Variants in SDK2 observed in about 807,000 individuals in gnomAD.
The protein encoded by SDK2 is protein sidekick-2.
Under a neutral mutation model 253.9 loss-of-function variants are expected in SDK2, and 105 were observed. That is an observed-to-expected ratio of 0.41 (90% CI 0.35 to 0.49). The LOEUF is 0.49. SDK2 is among the 20% of genes least tolerant of loss of function. The pLI is 0.06. For missense variants in SDK2, 2,608 were observed against 3,003.0 expected, an observed-to-expected ratio of 0.87 and a Z score of 3.07; for synonymous variants, 1,249 against 1,234.9, an observed-to-expected ratio of 1.01 and a Z score of -0.24.
At chr17:73,374,696 G>A (rs1289431713) in intron 36 of SDK2, among the ~76,000 whole-genome samples, 1 of 151,232 alleles carries the variant, frequency 6.6e-6, no homozygotes, top group Non-Finnish European at 1.5e-5. Context: ...TCGAACTCCT[G>A]ACCTCAAGTG....
Position 73,643,005 on chromosome 17 carries a change from T to C in SDK2, c.64+1020A>G. The C allele has an allele frequency of 6.6e-6, 1 of 152,144 alleles. No individual in the cohort carries two copies. The highest frequency in any genetic ancestry group is 1.5e-5 in the Non-Finnish European group (1 of 68,114). 9.4% of individuals were successfully genotyped at this position (152,144 alleles called of 1,614,324 possible). ...GGCCTAGCCCTGCGAGTCCTGGAGC[T>C]CGGTCCAGGCTTCGTCTCCCTCCGC... On this transcript the variant is annotated intron_variant, in intron 1 of 44. Coordinates refer to ENST00000392650, the MANE Select transcript of SDK2 (RefSeq NM_001144952.2). This position sits in a 1 kb window ranked among gnomAD's most constrained non-coding sequence, Gnocchi z 6.9.
intron 1 of SDK2, among the ~76,000 whole-genome samples, chr17:73,560,785 G>A (rs570706664): frequency 1.6e-4 from 25 of 152,302 alleles, no homozygotes; most frequent in African/African-American, 5.8e-4. Context: ...CTGCTTACAG[G>A]GCTACTGTGA....
At chr17:73,526,269 G>C (rs916682948) in intron 1 of SDK2, among the ~76,000 whole-genome samples, 1 of 152,164 alleles carries the variant, frequency 6.6e-6, no homozygotes, top group Non-Finnish European at 1.5e-5. Flanking sequence ...CTGCAAGGTT[G>C]GGGGAGATGT....
intron 3 of SDK2, among the ~76,000 whole-genome samples, chr17:73,463,222 C>T (rs2063575870): frequency 6.6e-6 from 1 of 152,150 alleles, no homozygotes; most frequent in Non-Finnish European, 1.5e-5. Flanking sequence ...TCCAACATTC[C>T]CAAGAAATTC....
intron 42 of SDK2, 93 bp from the exon 43 acceptor site, chr17:73,350,468 T>C: frequency 2.0e-6 from 3 of 1,495,204 alleles, no homozygotes; most frequent in Non-Finnish European, 2.7e-6. Flanking sequence ...CCTCTTTCTC[T>C]TGGTAGAGTT....
Position 73,352,913 on chromosome 17 carries a change from G to A in SDK2, c.5594-276C>T, listed in dbSNP as rs1385254790. 1.3e-5 allele frequency among the ~76,000 whole-genome samples: 2 copies of A among 152,226 alleles called. No individual in the cohort carries two copies. The highest frequency in any genetic ancestry group is 2.4e-5 in the African/African-American group (1 of 41,460). ...TCGAGACCAGCCTAGCCAACATGGT[G>A]AAACCCTGTCTCTACTAAAAATACA... On this transcript the variant is annotated intron_variant, in intron 40 of 44. Transcript: ENST00000392650. The surrounding 1 kb of genome is among the most constrained non-coding windows in gnomAD (Gnocchi z 4.1).
chr17:73,461,593 G>A (rs551039892), intron 3 of SDK2, among the ~76,000 whole-genome samples: 97 of 152,268 alleles, frequency 6.4e-4, no homozygotes, highest in Non-Finnish European at 3.4e-4. Context: ...AGGCCAGTGG[G>A]GCAGTGCCAT....
At chr17:73,518,549 C>G (rs2064049621) in intron 1 of SDK2, 1 of 152,176 alleles carries the variant, frequency 6.6e-6, no homozygotes, top group South Asian at 2.1e-4. Flanking sequence ...GCACCTCCAA[C>G]CTTGCATGGA....
At chr17:73,390,567 C>G in intron 28 of SDK2, 86 bp from the exon 29 acceptor site, 1 of 1,367,332 alleles carries the variant, frequency 7.3e-7, no homozygotes, top group Non-Finnish European at 1.0e-6. Context: ...TCCAAAGCCA[C>G]AGCTGTGTCT....
At chr17:73,628,120 G>A (rs2046225806) in intron 1 of SDK2, among the ~76,000 whole-genome samples, 1 of 152,264 alleles carries the variant, frequency 6.6e-6, no homozygotes. Context: ...TGAGGCTAGG[G>A]AAAGGCTAAG....
intron 3 of SDK2, among the ~76,000 whole-genome samples, chr17:73,466,799 G>A (rs910602964): frequency 6.9e-6 from 1 of 145,710 alleles, no homozygotes; most frequent in African/African-American, 2.5e-5. Context: ...TGGGCCCCAT[G>A]GGTCATGACC....
rs367592244 is a variant in SDK2 at position 73,342,095 on chromosome 17, C to G, written c.6166-3155G>C. Among the ~76,000 whole-genome samples, 689 of 152,046 alleles carry G rather than the reference C, an allele frequency of 4.5e-3. 8 individuals are homozygous for G. Among genetic ancestry groups the G allele is most frequent in the African/African-American group, 0.015 (639 of 41,446 alleles). ...GAACGAGAGCTCCCCCCAAACCCCC[C>G]ACCCCGACTCCCAGCAGGAATTAAA... On this transcript the variant is annotated intron_variant, in intron 44 of 44. Transcript: ENST00000392650.
intron 1 of SDK2, among the ~76,000 whole-genome samples, chr17:73,522,969 C>G (rs1001516896): frequency 6.6e-6 from 1 of 152,292 alleles, no homozygotes; most frequent in East Asian, 1.9e-4. Context: ...AGGCCAGGCC[C>G]TGTCCCGGCT....
In SDK2 at chr17:73,405,439, C is replaced by CAA. The variant is rs1230810012; in HGVS notation, c.2485-3300_2485-3299dup. ...TGGGCAAAAGAACAAAACTCCTTCTCAAAAAAAAAAAAAAACAAACAAAAA... is the reference window on the plus strand; with the variant it reads ...TGGGCAAAAGAACAAAACTCCTTCTCAAAAAAAAAAAAAAAAACAAACAAAAA... On this transcript the variant is annotated intron_variant, in intron 18 of 44. Coordinates refer to ENST00000392650, the MANE Select transcript of SDK2 (RefSeq NM_001144952.2). 4.7e-3 allele frequency among the ~76,000 whole-genome samples: 87 copies of CAA among 18,366 alleles called. 3 individuals carry two copies. The highest frequency in any genetic ancestry group is 0.016 in the African/African-American group (83 of 5,066). The allele number at this position is 18,366 out of a possible 152,430, so 12.0% of individuals were successfully genotyped here.
chr17:73,577,809 C>T (rs915959369), intron 1 of SDK2, among the ~76,000 whole-genome samples: 9 of 152,138 alleles, frequency 5.9e-5, no homozygotes, highest in Non-Finnish European at 1.3e-4. Context: ...TGCCCTGATC[C>T]CTGGAACCTG....
intron 10 of SDK2, among the ~76,000 whole-genome samples, chr17:73,432,393 G>T (rs1373955992): frequency 6.6e-6 from 1 of 152,172 alleles, no homozygotes; most frequent in African/African-American, 2.4e-5. Context: ...TGTCCATCTG[G>T]GGGTCGCATG....
chr17:73,379,032 T>A lies in SDK2; in HGVS notation c.4980+145A>T. On this transcript the variant is annotated intron_variant, in intron 36 of 44. Transcript: ENST00000392650. The surrounding 1 kb of genome is among the most constrained non-coding windows in gnomAD (Gnocchi z 4.5). ...GTCCAAACAGCCAAGGTGGCAGGTG[T>A]ACCACAGAGCCTGAAGGGCCGAGGA... 1 of 634,342 alleles carries A rather than the reference T, an allele frequency of 1.6e-6. No homozygotes were observed. Among genetic ancestry groups the A allele is most frequent in the Non-Finnish European group, 2.8e-6 (1 of 357,106 alleles). The allele number at this position is 634,342 out of a possible 1,614,324, so 39.3% of individuals were successfully genotyped here. A position where few individuals can be genotyped will look rare whatever the true frequency, so the allele number is the denominator to read the frequency against.
rs985678056 is a variant in SDK2 at position 73,414,550 on chromosome 17, A to AG, written c.2484+93dup. Reference sequence around the variant, plus strand: ...CTCGAGCCAATGACTTCAGAAACAGAGGGGGGATTTCCTCCTGCCCACTCT... The same window carrying AG: ...CTCGAGCCAATGACTTCAGAAACAGAGGGGGGGATTTCCTCCTGCCCACTCT... On this transcript the variant is annotated intron_variant, in intron 18 of 44. Transcript: ENST00000392650. 6.0e-5 allele frequency: 54 copies of AG among 901,266 alleles called. No individual in the cohort carries two copies. The African/African-American group carries it at 8.8e-4, about 15-fold the overall frequency. 55.8% of individuals were successfully genotyped at this position (901,266 alleles called of 1,614,324 possible).
intron 1 of SDK2, 104 bp from the exon 2 acceptor site, chr17:73,507,701 C>A: frequency 7.9e-7 from 1 of 1,271,030 alleles, no homozygotes; most frequent in Non-Finnish European, 1.1e-6. Flanking sequence ...CAGGTGCAGC[C>A]AGGTAATTTG....
Sources: gnomAD v4.1 joint callset for allele counts (sites outside exome capture counted in the v4.1 genomes callset) on GRCh38, gnomAD v4.1.1 for gene constraint, Gnocchi (gnomAD v3.1) non-coding constraint, MANE v1.5 for transcripts, NCBI Gene and HGNC (gene_info 2026-07-23, HGNC 2026-07-21) for gene names.